The following ALDOA variants were observed in gnomAD, a reference collection of about 807,000 sequenced individuals.
ALDOA encodes the protein aldolase, fructose-bisphosphate A.
Under a neutral mutation model 43.9 loss-of-function variants are expected in ALDOA, and 26 were observed. The ratio of observed to expected loss-of-function variants is 0.59; its 90% CI spans 0.43 to 0.82. ALDOA has a LOEUF of 0.82. ALDOA is among the 40% of genes least tolerant of loss of function. The pLI, the probability that ALDOA is intolerant of heterozygous loss-of-function variation, is 0.00. For synonymous variants in ALDOA, 258 were observed against 222.6 expected, an observed-to-expected ratio of 1.16 and a Z score of -1.42; for missense variants, 498 against 549.5, an observed-to-expected ratio of 0.91 and a Z score of 0.94.
chr16:30,069,126 G>A (rs2072224731), intron 6 of ALDOA, 148 bp downstream of exon 6: 1 of 1,400,862 alleles, frequency 7.1e-7, no homozygotes, highest in Non-Finnish European at 9.9e-7. Flanking sequence ...GTTGAAGGCA[G>A]AGGGGCCAAG....
intron 3 of ALDOA, 37 bp from the exon 4 acceptor site, chr16:30,067,413 G>T: frequency 6.2e-7 from 1 of 1,613,828 alleles, no homozygotes; most frequent in Non-Finnish European, 8.5e-7. Context: ...GTTGGGAGTG[G>T]CAGGCTGATC....
intron 9 of ALDOA, 29 bp from the exon 10 acceptor site, chr16:30,070,063 GGTGGATGGGACTCGGAGAAGAGCCC>G (rs1434096922): frequency 6.2e-7 from 1 of 1,613,472 alleles, no homozygotes; most frequent in Non-Finnish European, 8.5e-7. Context: ...AGGGTGCCTG[GGTGGATGGGACTCGGAGAAGAGCCC>G]TTCTCACTCC....
Position 30,066,920 on chromosome 16 carries a change from G to C in ALDOA, c.23G>C (p.Gly8Ala). MARRKPEGSSFNMTHLSM... is the reference protein window; with the variant it reads MARRKPEASSFNMTHLSM... Reference sequence around the variant, plus strand: ...CCCATGGCAAGGCGCAAGCCAGAAGGGTCCAGCTTCAACATGACCCACCTG... The same window carrying C: ...CCCATGGCAAGGCGCAAGCCAGAAGCGTCCAGCTTCAACATGACCCACCTG... The change falls in exon 2 of 10, where the codon GGG becomes GCG. Residue 8 changes from glycine to alanine, a missense_variant. By Grantham distance (60) the Gly-to-Ala change is moderately conservative. Coordinates refer to ENST00000642816, the MANE Select transcript of ALDOA (RefSeq NM_001243177.4). The C allele has an allele frequency of 6.4e-7, 1 of 1,550,752 alleles. No individual in the cohort carries two copies. The highest frequency in any genetic ancestry group is 8.7e-7 in the Non-Finnish European group (1 of 1,147,046).
chr16:30,065,533 C>T (rs546253056), upstream of ALDOA: 1 of 152,436 alleles, frequency 6.6e-6, no homozygotes, highest in East Asian at 1.9e-4. Context: ...AAGGGAGGGC[C>T]CTAGCGACCC....
At chr16:30,068,487 C>CA (rs1261186042) in intron 4 of ALDOA, 159 bp from the exon 5 acceptor site, 5 of 800,638 alleles carry the variant, frequency 6.2e-6, no homozygotes, top group Admixed American at 2.0e-5. Flanking sequence ...GGGGCACGCC[C>CA]AGCTACCTAG....
At position 30,066,893 on chromosome 16, in the gene ALDOA, A is replaced by G. The variant is rs1259522967; in HGVS notation, c.-5A>G. 3.2e-6 allele frequency: 5 copies of G among 1,548,616 alleles called. No individual in the cohort carries two copies. The highest frequency in any genetic ancestry group is 4.4e-6 in the Non-Finnish European group (5 of 1,145,830). The stretch of plus-strand genomic sequence containing the variant: ...TTCGGTTTTGTTTTCAGGCAAGGTG[A>G]CCCCATGGCAAGGCGCAAGCCAGAA... On this transcript the variant is annotated 5_prime_UTR_variant, in exon 2 of 10. Transcript: ENST00000642816.
upstream of ALDOA, chr16:30,064,562 C>G (rs182114981): frequency 4.0e-5 from 16 of 398,706 alleles, 1 homozygote; most frequent in African/African-American, 1.8e-4. Flanking sequence ...CTTCCTCCCC[C>G]TTCCCCCATG....
intron 4 of ALDOA, chr16:30,068,035 A>G (rs1224810922): frequency 3.8e-6 from 1 of 261,924 alleles, no homozygotes; most frequent in Non-Finnish European, 7.4e-6. Flanking sequence ...GTAACTAAGT[A>G]TTTGAGTAAC....
chr16:30,068,062 ATTTTTTTTTTT>A (rs71143773), intron 4 of ALDOA: 1 of 173,010 alleles, frequency 5.8e-6, no homozygotes, highest in African/African-American at 2.8e-5. Context: ...TTTTAAGTAA[ATTTTTTTTTTT>A]TTTTTTTTTG....
intron 2 of ALDOA, 68 bp from the exon 3 acceptor site, chr16:30,067,166 C>A: frequency 6.2e-7 from 1 of 1,604,926 alleles, no homozygotes; most frequent in Admixed American, 1.7e-5. Flanking sequence ...AGGAGAGGGG[C>A]CCTGGTCATC....
At chr16:30,066,849 A>G (rs1434474109) in intron 1 of ALDOA, 36 bp from the exon 2 acceptor site, 6 of 1,533,558 alleles carry the variant, frequency 3.9e-6, no homozygotes, top group Non-Finnish European at 5.3e-6. Flanking sequence ...CACGATCTTT[A>G]CATTCTAAAA....
At position 30,067,800 on chromosome 16, in the gene ALDOA, C is replaced by T. The variant is rs535074983; in HGVS notation, c.486+139C>T. 66 of 942,728 alleles carry T rather than the reference C, an allele frequency of 7.0e-5. No individual in the cohort carries two copies. In the African/African-American group the frequency reaches 7.6e-4, roughly 11 times the overall value. 58.4% of individuals were successfully genotyped at this position (942,728 alleles called of 1,614,324 possible). ...CTGCTTCAGGCTTAGGGCATTTACT[C>T]GACATTTTTAATCCTCACAATTCTG... On this transcript the variant is annotated intron_variant, in intron 4 of 9. Coordinates refer to ENST00000642816, the MANE Select transcript of ALDOA (RefSeq NM_001243177.4).
intron 4 of ALDOA, chr16:30,068,315 CG>C: frequency 2.7e-6 from 1 of 366,862 alleles, no homozygotes; most frequent in Admixed American, 3.7e-5. Context: ...CTGCCCACCT[CG>C]GCCTCCCAAA....
rs1041177729 is a variant in ALDOA at position 30,065,918 on chromosome 16, C to T, written c.-23C>T. The T allele has an allele frequency of 1.0e-4, 16 of 153,152 alleles. No homozygotes were observed. The highest frequency in any genetic ancestry group is 2.9e-5 in the Non-Finnish European group (2 of 68,422). The allele number at this position is 153,152 out of a possible 1,614,324, so 9.5% of individuals were successfully genotyped here. ...CCGCACCCTGCACACCCGCCCCTCT[C>T]CTGTGCCAGGTGAGCGCCCCTCTTC... On this transcript the variant is annotated 5_prime_UTR_variant, in exon 1 of 10. Coordinates refer to ENST00000642816, the MANE Select transcript of ALDOA (RefSeq NM_001243177.4).
At chr16:30,069,203 C>T in intron 6 of ALDOA, 103 bp from the exon 7 acceptor site, 2 of 1,427,924 alleles carry the variant, frequency 1.4e-6, no homozygotes, top group Non-Finnish European at 9.8e-7. Flanking sequence ...AAGCCTGAGT[C>T]CCTGGCATCA....
chr16:30,067,281 C>T lies in ALDOA; in HGVS notation c.189C>T (p.Thr63=), dbSNP rs188898200. 2.0e-5 allele frequency: 33 copies of T among 1,612,560 alleles called. No homozygotes were observed. In the East Asian group the frequency reaches 6.5e-4, roughly 32 times the overall value. ...STMPYQYPAL[T]PEQKKELSDI... ...TGCCCTACCAATATCCAGCACTGAC[C>T]CCGGAGCAGAAGAAGGAGCTGTCTG... The change falls in exon 3 of 10, where the codon ACC becomes ACT. Residue 63 remains threonine (T), a synonymous_variant. Transcript: ENST00000642816.
intron 4 of ALDOA, chr16:30,068,016 A>G: frequency 3.4e-6 from 1 of 298,226 alleles, no homozygotes; most frequent in Non-Finnish European, 6.4e-6. Context: ...AAAATATTTT[A>G]ATTTAATTGT....
At chr16:30,068,764 G>C (rs2072209371) in intron 5 of ALDOA, 54 bp from the exon 6 acceptor site, 18 of 1,614,104 alleles carry the variant, frequency 1.1e-5, no homozygotes, top group Non-Finnish European at 1.5e-5. Context: ...GCTGGGAGGA[G>C]TGGAAACCAC....
In ALDOA at chr16:30,070,312, C is replaced by T. The variant is rs768844183; in HGVS notation, c.*100C>T. On this transcript the variant is annotated 3_prime_UTR_variant, in exon 10 of 10. Coordinates refer to ENST00000642816, the MANE Select transcript of ALDOA (RefSeq NM_001243177.4). ...TCGGGGCTCCAGGCTGGCTTGCCCG[C>T]GCTCTTTCTTCCCTCGTGACAGTGG... 1.1e-4 allele frequency: 130 copies of T among 1,159,646 alleles called. No homozygotes were observed. The highest frequency in any genetic ancestry group is 1.6e-4 in the Non-Finnish European group (121 of 777,072). 71.8% of individuals were successfully genotyped at this position (1,159,646 alleles called of 1,614,324 possible).
Sources: allele counts gnomAD v4.1 joint callset, GRCh38; gene constraint gnomAD v4.1.1; transcripts MANE v1.5; gene names NCBI Gene and HGNC (gene_info 2026-07-23, HGNC 2026-07-21).